The following NCALD variants were observed in gnomAD, a reference collection of about 807,000 sequenced individuals.
NCALD encodes neurocalcin-delta.
In NCALD, 10 loss-of-function variants were observed where a neutral mutation model predicts 18.6. The observed-to-expected ratio is 0.54, with a 90% CI of 0.33 to 0.91. The LOEUF (loss-of-function observed/expected upper bound fraction) is 0.91. Among genes scored for constraint, NCALD ranks in the 40% least tolerant of loss-of-function variants. NCALD has a pLI of 0.03. For synonymous variants in NCALD, 88 were observed against 87.4 expected (o/e 1.01, Z -0.04); for missense variants, 184 against 247.6 (o/e 0.74, Z 1.72).
chr8:102,030,036 A>C (rs957026729), intron 1 of NCALD, among the ~76,000 whole-genome samples: 2 of 152,224 alleles, frequency 1.3e-5, no homozygotes, highest in African/African-American at 4.8e-5. Flanking sequence ...TTCTAGAGAA[A>C]ACTATTAATA....
intron 1 of NCALD, among the ~76,000 whole-genome samples, chr8:101,767,460 C>T (rs951169171): frequency 6.6e-6 from 1 of 152,118 alleles, no homozygotes; most frequent in Non-Finnish European, 1.5e-5. Flanking sequence ...AAGCTGAAGC[C>T]ACATTCTGGG....
At chr8:102,094,335 T>C (rs1314891991) in intron 1 of NCALD, among the ~76,000 whole-genome samples, 1 of 152,224 alleles carries the variant, frequency 6.6e-6, no homozygotes, top group East Asian at 1.9e-4. Flanking sequence ...ATGCTTTGTA[T>C]AAATCGTCTT....
Position 101,724,969 on chromosome 8 carries a change from C to T in NCALD, c.-19-5321G>A, listed in dbSNP as rs138821712. On this transcript the variant is annotated intron_variant, in intron 1 of 3. Transcript: ENST00000220931. ...GGAACTCATTTATTCCACAAACAGGCACTAAGTGTCTACTGGGGGTGAGGC... is the reference window on the plus strand; with the variant it reads ...GGAACTCATTTATTCCACAAACAGGTACTAAGTGTCTACTGGGGGTGAGGC... 5.6e-3 allele frequency among the ~76,000 whole-genome samples: 855 copies of T among 152,290 alleles called. 8 individuals are homozygous for T. The highest frequency in any genetic ancestry group is 0.018 in the African/African-American group (755 of 41,546).
At chr8:102,045,014 A>G (rs1468026969) in intron 1 of NCALD, among the ~76,000 whole-genome samples, 1 of 152,206 alleles carries the variant, frequency 6.6e-6, no homozygotes, top group Non-Finnish European at 1.5e-5. Context: ...AATAAAGGAA[A>G]TCAAGAAGAA....
intron 1 of NCALD, among the ~76,000 whole-genome samples, chr8:101,783,263 A>G (rs1812090024): frequency 6.6e-6 from 1 of 152,116 alleles, no homozygotes; most frequent in Non-Finnish European, 1.5e-5. Context: ...GTGAGAAGAG[A>G]GTTGGGGCAT....
At chr8:101,799,429 A>G (rs1563780913) in intron 4 of NCALD, among the ~76,000 whole-genome samples, 1 of 152,228 alleles carries the variant, frequency 6.6e-6, no homozygotes, top group African/African-American at 2.4e-5. Context: ...GCACTTGGAC[A>G]TTCCAGAGAA....
intron 1 of NCALD, among the ~76,000 whole-genome samples, chr8:101,734,309 G>T (rs1796162147): frequency 6.6e-6 from 1 of 152,082 alleles, no homozygotes; most frequent in African/African-American, 2.4e-5. Flanking sequence ...GCCCTCCTTG[G>T]GGAGGCCTTC....
chr8:101,920,072 C>A (rs995317891), intron 2 of NCALD, among the ~76,000 whole-genome samples: 1 of 152,046 alleles, frequency 6.6e-6, no homozygotes, highest in African/African-American at 2.4e-5. Flanking sequence ...GCCTGAACAA[C>A]ATGGCAAAAC....
At chr8:102,053,176 C>G (rs1040529899) in intron 1 of NCALD, among the ~76,000 whole-genome samples, 9 of 152,130 alleles carry the variant, frequency 5.9e-5, no homozygotes, top group Admixed American at 2.6e-4. Context: ...TAAAAATTCA[C>G]CATATGTCAT....
chr8:102,060,084 G>A (rs1048992014), intron 1 of NCALD, among the ~76,000 whole-genome samples: 4 of 152,124 alleles, frequency 2.6e-5, no homozygotes, highest in Admixed American at 6.5e-5. Flanking sequence ...AGGTTCAAGC[G>A]ATTCTCCTGC....
At chr8:101,937,041 A>G (rs919084181) in intron 2 of NCALD, among the ~76,000 whole-genome samples, 1 of 152,194 alleles carries the variant, frequency 6.6e-6, no homozygotes, top group Non-Finnish European at 1.5e-5. Context: ...ACTTCTGGCA[A>G]TCACAGAGAT....
intron 2 of NCALD, among the ~76,000 whole-genome samples, chr8:101,994,241 C>T (rs1821154980): frequency 6.6e-6 from 1 of 152,134 alleles, no homozygotes; most frequent in South Asian, 2.1e-4. Context: ...GGAAGAGAAG[C>T]ATCCTGTTGG....
chr8:102,047,940 T>C (rs944218433), intron 1 of NCALD, among the ~76,000 whole-genome samples: 3 of 152,162 alleles, frequency 2.0e-5, no homozygotes, highest in African/African-American at 7.2e-5. Context: ...TACCAGCTTT[T>C]GAGAGGGTTT....
At chr8:101,823,754 A>G (rs1813817842) in intron 4 of NCALD, among the ~76,000 whole-genome samples, 1 of 152,206 alleles carries the variant, frequency 6.6e-6, no homozygotes, top group African/African-American at 2.4e-5. Flanking sequence ...AAGCTTTAGG[A>G]GGAAGCCACG....
At chr8:101,779,051 G>A (rs770098459) in intron 1 of NCALD, among the ~76,000 whole-genome samples, 3 of 152,124 alleles carry the variant, frequency 2.0e-5, no homozygotes, top group Non-Finnish European at 4.4e-5. Flanking sequence ...GTTGCTAGAA[G>A]ACAGTGAAAC....
At chr8:101,973,660 A>T (rs566102349) in intron 2 of NCALD, among the ~76,000 whole-genome samples, 1 of 152,300 alleles carries the variant, frequency 6.6e-6, no homozygotes, top group African/African-American at 2.4e-5. Context: ...CAGAAAACAG[A>T]GGGGAAGAGC....
Position 102,010,550 on chromosome 8 carries a change from T to C in NCALD, c.-157+9687A>G, listed in dbSNP as rs973031706. ...AATATAAACATGAGAATAAGTTGAG[T>C]GTTGAGCAGGAAAACAGTAACAGGA... On this transcript the variant is annotated intron_variant, in intron 2 of 6. Transcript: ENST00000311028. 7.9e-5 allele frequency among the ~76,000 whole-genome samples: 12 copies of C among 152,128 alleles called. 1 individual carries two copies. Among genetic ancestry groups the C allele is most frequent in the Admixed American group, 7.2e-4 (11 of 15,274 alleles).
chr8:102,120,091 T>C (rs1460042110), intron 1 of NCALD, among the ~76,000 whole-genome samples: 1 of 152,244 alleles, frequency 6.6e-6, no homozygotes, highest in African/African-American at 2.4e-5. Flanking sequence ...GGATTTCAGA[T>C]GAGAACTCCA....
rs376757634 is a variant in NCALD, at chr8:101,997,377, T to A, written c.-157+22860A>T. Among the ~76,000 whole-genome samples, 12 of 149,644 alleles carry A rather than the reference T, an allele frequency of 8.0e-5. No homozygotes were observed. In the East Asian group the frequency reaches 9.8e-4, roughly 12 times the overall value. ...AATATTTTTAAAGAGCATGCTTTTATTTTTTTTTTCCTGGAACCTTTTAGA... is the reference window on the plus strand; with the variant it reads ...AATATTTTTAAAGAGCATGCTTTTAATTTTTTTTTCCTGGAACCTTTTAGA... On this transcript the variant is annotated intron_variant, in intron 2 of 6. Coordinates refer to the NCALD transcript ENST00000311028.
Sources: gnomAD v4.1 joint callset for allele counts (sites outside exome capture counted in the v4.1 genomes callset) on GRCh38, gnomAD v4.1.1 for gene constraint, MANE v1.5 for transcripts, NCBI Gene and HGNC (gene_info 2026-07-23, HGNC 2026-07-21) for gene names.